CSF1: variants seen among roughly 807,000 people sequenced by gnomAD.
CSF1 encodes colony stimulating factor 1, also known as macrophage colony-stimulating factor 1.
CSF1 carries 9 observed loss-of-function variants against 48.9 expected under a neutral mutation model. The observed-to-expected ratio is 0.18, with a 90% CI of 0.11 to 0.32. The LOEUF (loss-of-function observed/expected upper bound fraction) is 0.32. Ranked by LOEUF, CSF1 falls within the 10% of genes least tolerant of loss-of-function variation. The pLI is 1.00. For missense variants in CSF1, 672 were observed against 697.9 expected (o/e 0.96, Z 0.42); for synonymous variants, 305 against 284.1 (o/e 1.07, Z -0.74).
At chr1:109,920,653 G>A (rs947680089) in intron 4 of CSF1, among the ~76,000 whole-genome samples, 8 of 152,156 alleles carry the variant, frequency 5.3e-5, no homozygotes, top group African/African-American at 1.9e-4. Flanking sequence ...GACTGCATAG[G>A]CCAGGGAGAT....
Position 109,923,168 on chromosome 1 carries a change from G to T in CSF1, c.547G>T (p.Val183Leu). 6.6e-7 allele frequency: 1 copy of T among 1,512,366 alleles called. No individual in the cohort carries two copies. The allele number at this position is 1,512,366 out of a possible 1,614,324, so 93.7% of individuals were successfully genotyped here. The change falls in exon 6 of 9, where the codon GTG becomes TTG. Residue 183 changes from valine (V) to leucine (L), a missense_variant and splice_region_variant. Coordinates refer to ENST00000329608, the MANE Select transcript of CSF1 (RefSeq NM_000757.6). The stretch of plus-strand genomic sequence containing the variant: ...CCTTCTCTCTGTGGTTCTTTCAGAT[G>T]TGGTGACCAAGCCTGATTGCAACTG... ...NSFAECSSQD[V>L]VTKPDCNCLY... is the part of the protein sequence containing the mutation.
chr1:109,911,929 T>G (rs1432314193), intron 1 of CSF1, among the ~76,000 whole-genome samples: 2 of 152,112 alleles, frequency 1.3e-5, no homozygotes, highest in African/African-American at 2.4e-5. Flanking sequence ...GTGGCACTGT[T>G]CATGACCAGT....
rs1283237492 is a variant in CSF1, at chr1:109,930,823, A to T, written c.*1985A>T. 6.6e-6 allele frequency: 1 copy of T among 152,184 alleles called. No homozygotes were observed. Among genetic ancestry groups the T allele is most frequent in the Non-Finnish European group, 1.5e-5 (1 of 68,042 alleles). The allele number at this position is 152,184 out of a possible 1,614,324, so 9.4% of individuals were successfully genotyped here. The stretch of plus-strand genomic sequence containing the variant: ...TGTCCCCCCAGGCTACCTGCTCAGG[A>T]ACCCCTTCTGTTCTCTGAGAAGTCA... On this transcript the variant is annotated 3_prime_UTR_variant, in exon 9 of 9. Transcript: ENST00000329608.
chr1:109,911,102 G>A (rs2101636124), intron 1 of CSF1, 40 bp downstream of exon 1: 2 of 1,009,640 alleles, frequency 2.0e-6, no homozygotes, highest in Middle Eastern at 4.8e-4. Flanking sequence ...GACGGGCTGG[G>A]GCGGGGGCTC....
chr1:109,910,530 G>T, upstream of CSF1: 1 of 374,828 alleles, frequency 2.7e-6, no homozygotes, highest in Admixed American at 3.0e-5. Context: ...AGCGCGGAAG[G>T]AAAGGGTCGG....
At chr1:109,919,978 A>AT (rs1647453156) in intron 4 of CSF1, among the ~76,000 whole-genome samples, 2 of 142,402 alleles carry the variant, frequency 1.4e-5, no homozygotes, top group African/African-American at 5.1e-5. Context: ...AAATAAATAA[A>AT]AGACTGAACC....
chr1:109,922,351 G>C (rs755594450), intron 5 of CSF1: 3 of 194,374 alleles, frequency 1.5e-5, no homozygotes, highest in East Asian at 1.2e-4. Flanking sequence ...CTGAACGTGT[G>C]GGGGGTTCTG....
Position 109,910,980 on chromosome 1 carries a change from G to A in CSF1, c.-44G>A. On this transcript the variant is annotated 5_prime_UTR_variant, in exon 1 of 9. Coordinates refer to ENST00000329608, the MANE Select transcript of CSF1 (RefSeq NM_000757.6). ...CGCAGCAGCCAGCGAGCGAGCGAGC[G>A]AGCGAGGGCGGCCGACGCGCCCGGC... The A allele has an allele frequency of 1.7e-6, 2 of 1,146,200 alleles. No individual in the cohort carries two copies. The highest frequency in any genetic ancestry group is 1.1e-6 in the Non-Finnish European group (1 of 936,226). 71.0% of individuals were successfully genotyped at this position (1,146,200 alleles called of 1,614,324 possible).
rs764058543 is a variant in CSF1 at position 109,923,632 on chromosome 1, C to T, written c.1011C>T (p.Pro337=). ...RPGGGSMQTE[P]ARPSNFLSAS... is the part of the protein sequence containing the mutation. Reference sequence around the variant, plus strand: ...GAGGGGGCAGCATGCAGACAGAGCCCGCCAGACCCAGCAACTTCCTCTCAG... The same window carrying T: ...GAGGGGGCAGCATGCAGACAGAGCCTGCCAGACCCAGCAACTTCCTCTCAG... Residue 337 remains proline (P), a synonymous_variant, in exon 6 of 9, where the codon CCC becomes CCT. Coordinates refer to ENST00000329608, the MANE Select transcript of CSF1 (RefSeq NM_000757.6). 22 of 1,613,928 alleles carry T rather than the reference C, an allele frequency of 1.4e-5. No individual in the cohort carries two copies. Among genetic ancestry groups the T allele is most frequent in the Middle Eastern group, 1.6e-4 (1 of 6,080 alleles).
intron 1 of CSF1, 58 bp from the exon 2 acceptor site, chr1:109,914,201 C>G: frequency 1.3e-6 from 2 of 1,536,992 alleles, no homozygotes; most frequent in Non-Finnish European, 1.8e-6. Flanking sequence ...TTGAGCAGGG[C>G]ATGGGGATAA....
intron 4 of CSF1, among the ~76,000 whole-genome samples, chr1:109,919,218 A>G (rs2101647474): frequency 6.6e-6 from 1 of 152,162 alleles, no homozygotes; most frequent in Admixed American, 6.5e-5. Flanking sequence ...TGTGTAATTG[A>G]GGGAGGACTT....
At position 109,923,837 on chromosome 1, in the gene CSF1, T is replaced by C. The variant is rs1647701140; in HGVS notation, c.1216T>C (p.Ser406Pro). Residue 406 changes from serine (S) to proline (P), a missense_variant, in exon 6 of 9, where the codon TCA becomes CCA. Coordinates refer to ENST00000329608, the MANE Select transcript of CSF1 (RefSeq NM_000757.6). ...DPPEPGSPRI[S>P]SLRPQGLSNP... ...CCCGGAGCCAGGCTCTCCCAGGATC[T>C]CATCACTGCGCCCCCAGGGCCTCAG... 2 of 1,613,672 alleles carry C rather than the reference T, an allele frequency of 1.2e-6. No individual in the cohort carries two copies. The highest frequency in any genetic ancestry group is 1.7e-6 in the Non-Finnish European group (2 of 1,179,790).
intron 8 of CSF1, among the ~76,000 whole-genome samples, chr1:109,927,492 G>T (rs681494): frequency 1 from 151,850 of 152,250 alleles, 75,729 homozygotes; most frequent in Middle Eastern, 1. Context: ...CCCTTCCCAC[G>T]GGTCGTCTGT....
intron 4 of CSF1, among the ~76,000 whole-genome samples, chr1:109,921,171 T>C (rs1409801599): frequency 1.3e-5 from 2 of 152,230 alleles, no homozygotes; most frequent in African/African-American, 4.8e-5. Flanking sequence ...GTTTTCCCTT[T>C]GCTCTGTGGA....
At chr1:109,914,165 A>G (rs1654798424) in intron 1 of CSF1, 94 bp from the exon 2 acceptor site, 3 of 1,333,016 alleles carry the variant, frequency 2.3e-6, no homozygotes, top group Non-Finnish European at 3.0e-6. Context: ...GTAGCATTGT[A>G]GATATGAGGC....
At chr1:109,928,692 T>G (rs568461663) in intron 8 of CSF1, among the ~76,000 whole-genome samples, 160 bp from the exon 9 acceptor site, 1 of 151,948 alleles carries the variant, frequency 6.6e-6, no homozygotes, top group African/African-American at 2.4e-5. Flanking sequence ...AGCTGCCTGG[T>G]CTCTCTGTGG....
Position 109,923,488 on chromosome 1 carries a change from C to G in CSF1, c.867C>G (p.Pro289=), listed in dbSNP as rs746984153. 1.7e-5 allele frequency: 27 copies of G among 1,614,174 alleles called. No homozygotes were observed. The East Asian group carries it at 5.8e-4, about 35-fold the overall frequency. ...QPRPSVGAFN[P]GMEDILDSAM... ...GCCCCTCTGTCGGGGCCTTCAACCC[C>G]GGGATGGAGGATATTCTTGACTCTG... is the stretch of plus-strand genomic sequence containing the variant. The change falls in exon 6 of 9, where the codon CCC becomes CCG. Residue 289 remains proline, a synonymous_variant. Coordinates refer to ENST00000329608, the MANE Select transcript of CSF1 (RefSeq NM_000757.6).
Position 109,923,473 on chromosome 1 carries a change from C to G in CSF1, c.852C>G (p.Val284=). Residue 284 remains valine, a synonymous_variant, in exon 6 of 9, where the codon GTC becomes GTG. Coordinates refer to ENST00000329608, the MANE Select transcript of CSF1 (RefSeq NM_000757.6). ...IGGSPQPRPS[V]GAFNPGMEDI... ...GCTCACCACAGCCTCGCCCCTCTGT[C>G]GGGGCCTTCAACCCCGGGATGGAGG... 1 of 1,614,112 alleles carries G rather than the reference C, an allele frequency of 6.2e-7. No homozygotes were observed. The highest frequency in any genetic ancestry group is 1.1e-5 in the South Asian group (1 of 91,076).
At chr1:109,923,115 ACT>A in intron 5 of CSF1, 49 bp from the exon 6 acceptor site, 1 of 1,475,188 alleles carries the variant, frequency 6.8e-7, no homozygotes, top group Non-Finnish European at 9.1e-7. Flanking sequence ...GAGGCTAGTG[ACT>A]CTATCTCCTC....
Sources: allele counts gnomAD v4.1 joint callset (sites outside exome capture counted in the v4.1 genomes callset), GRCh38; gene constraint gnomAD v4.1.1; transcripts MANE v1.5; gene names NCBI Gene and HGNC (gene_info 2026-07-23, HGNC 2026-07-21).